Variants in KLHL13 observed in about 807,000 individuals in gnomAD.
The protein encoded by KLHL13 is kelch like family member 13.
KLHL13 carries 10 observed loss-of-function variants against 37.1 expected under a neutral mutation model. The ratio of observed to expected loss-of-function variants is 0.27; its 90% CI spans 0.17 to 0.46. The LOEUF (loss-of-function observed/expected upper bound fraction) is 0.46. Ranked by LOEUF, KLHL13 falls within the 20% of genes least tolerant of loss-of-function variation. The pLI is 1.00. For missense variants in KLHL13, 360 were observed against 509.3 expected (o/e 0.71, Z 2.82); for synonymous variants, 163 against 181.2 (o/e 0.90, Z 0.81).
chrX:118,023,105 T>C (rs143032403), intron 1 of KLHL13, among the ~76,000 whole-genome samples: 148 of 110,257 alleles, frequency 1.3e-3, no homozygotes, highest in African/African-American at 4.7e-3. Context: ...CAAGTGGATA[T>C]ACAGTTTTCC....
intron 1 of KLHL13, among the ~76,000 whole-genome samples, chrX:117,954,513 T>A (rs923674694): frequency 2.7e-5 from 3 of 112,552 alleles, no homozygotes; most frequent in African/African-American, 6.4e-5. Flanking sequence ...ATAATTATTT[T>A]ATTTCTAATG....
intron 2 of KLHL13, among the ~76,000 whole-genome samples, chrX:117,940,380 C>T (rs989836647): frequency 5.7e-4 from 64 of 111,656 alleles, no homozygotes; most frequent in Admixed American, 3.8e-3. Flanking sequence ...TAGTGGGATG[C>T]CTCCAGCTTT....
intron 1 of KLHL13, chrX:117,946,818 T>C (rs1311819237): frequency 8.9e-6 from 1 of 112,155 alleles, no homozygotes; most frequent in Admixed American, 9.5e-5. Flanking sequence ...TGATCAGTTT[T>C]AACAAGAAAA....
intron 1 of KLHL13, among the ~76,000 whole-genome samples, chrX:118,045,042 C>A (rs1182765116): frequency 9.0e-6 from 1 of 111,682 alleles, no homozygotes; most frequent in Non-Finnish European, 1.9e-5. Flanking sequence ...AGGAGCTCAG[C>A]AACTCTATAG....
chrX:118,113,484 C>T (rs1602735121), intron 1 of KLHL13, among the ~76,000 whole-genome samples: 1 of 112,060 alleles, frequency 8.9e-6, no homozygotes, highest in East Asian at 2.8e-4. Flanking sequence ...TTCTTTAATC[C>T]GCCATGCTGG....
chrX:118,048,549 C>T (rs908791559), intron 1 of KLHL13, among the ~76,000 whole-genome samples: 16 of 111,227 alleles, frequency 1.4e-4, no homozygotes, highest in African/African-American at 4.2e-4. Flanking sequence ...ACATGGGCAA[C>T]TGTTATATTG....
At chrX:117,958,048 T>C (rs112154954) in intron 1 of KLHL13, among the ~76,000 whole-genome samples, 5 of 111,706 alleles carry the variant, frequency 4.5e-5, no homozygotes, top group African/African-American at 1.6e-4. Flanking sequence ...ATCATGGTAT[T>C]TCTCAGCAAC....
chrX:118,092,179 A>C (rs2055144037), intron 1 of KLHL13, among the ~76,000 whole-genome samples: 1 of 111,964 alleles, frequency 8.9e-6, no homozygotes, highest in African/African-American at 3.2e-5. Flanking sequence ...GTGTAATCAA[A>C]CACCACCTGT....
At chrX:117,960,494 A>G (rs1602597359) in intron 1 of KLHL13, among the ~76,000 whole-genome samples, 1 of 110,429 alleles carries the variant, frequency 9.1e-6, no homozygotes, top group Non-Finnish European at 1.9e-5. Context: ...CAAAATTTCA[A>G]TATTTGCCCC....
At chrX:118,053,849 G>GGAGAGGA (rs2054653237) in intron 1 of KLHL13, among the ~76,000 whole-genome samples, 1 of 11,007 alleles carries the variant, frequency 9.1e-5, no homozygotes, top group African/African-American at 3.5e-4. Flanking sequence ...GAGAGAGAGA[G>GGAGAGGA]GAGAGAGAGA....
At chrX:118,006,978 TG>T (rs1338012283) in intron 1 of KLHL13, among the ~76,000 whole-genome samples, 1 of 111,404 alleles carries the variant, frequency 9.0e-6, no homozygotes. Flanking sequence ...GGGCAGGCAT[TG>T]GGGGCCAGAG....
intron 1 of KLHL13, among the ~76,000 whole-genome samples, chrX:117,970,128 C>T (rs1322823135): frequency 9.0e-6 from 1 of 111,491 alleles, no homozygotes; most frequent in Non-Finnish European, 1.9e-5. Context: ...CCCACACATG[C>T]TCAATCACTA....
intron 1 of KLHL13, among the ~76,000 whole-genome samples, chrX:118,067,303 G>C (rs2054805285): frequency 9.0e-6 from 1 of 111,584 alleles, no homozygotes; most frequent in South Asian, 3.8e-4. Context: ...AGGGCACTTA[G>C]CATGAATGGA....
At chrX:118,104,431 A>G (rs2055324289) in intron 1 of KLHL13, among the ~76,000 whole-genome samples, 1 of 112,044 alleles carries the variant, frequency 8.9e-6, no homozygotes, top group South Asian at 3.7e-4. Flanking sequence ...TACACAGACA[A>G]GGAGGTAGCC....
At chrX:117,948,760 T>G (rs1170076902) in intron 1 of KLHL13, among the ~76,000 whole-genome samples, 1 of 111,878 alleles carries the variant, frequency 8.9e-6, no homozygotes, top group Non-Finnish European at 1.9e-5. Flanking sequence ...TGACCAACCA[T>G]AAAGCACAAG....
At chrX:118,096,527 C>T (rs139958434) in intron 1 of KLHL13, among the ~76,000 whole-genome samples, 4,503 of 111,144 alleles carry the variant, frequency 0.041, 230 homozygotes, top group African/African-American at 0.14. Context: ...CCATTCCTTC[C>T]GAAACTATTC....
intron 1 of KLHL13, among the ~76,000 whole-genome samples, chrX:118,105,653 A>T (rs1199360472): frequency 8.9e-6 from 1 of 112,350 alleles, no homozygotes; most frequent in Admixed American, 9.4e-5. Context: ...ACTGTAACCT[A>T]TTTCAGGGCA....
chrX:118,002,382 A>C (rs1280040875), intron 1 of KLHL13, among the ~76,000 whole-genome samples: 1 of 109,910 alleles, frequency 9.1e-6, no homozygotes, highest in Non-Finnish European at 1.9e-5. Flanking sequence ...GGATCACCTG[A>C]GGTCAGGAGT....
upstream of KLHL13, among the ~76,000 whole-genome samples, chrX:117,975,432 C>G (rs1009422646): frequency 2.7e-5 from 3 of 112,088 alleles, no homozygotes; most frequent in Non-Finnish European, 3.8e-5. Flanking sequence ...CCTCTGTCAC[C>G]TAGGCTGGAG....
Sources: gnomAD v4.1 joint callset for allele counts (sites outside exome capture counted in the v4.1 genomes callset) on GRCh38, gnomAD v4.1.1 for gene constraint, MANE v1.5 for transcripts, NCBI Gene and HGNC (gene_info 2026-07-23, HGNC 2026-07-21) for gene names.